DNAJC24: variants seen among roughly 807,000 people sequenced by gnomAD.
DNAJC24 encodes the protein dnaJ homolog subfamily C member 24.
DNAJC24 carries 17 observed loss-of-function variants against 18.0 expected under a neutral mutation model. That is an observed-to-expected ratio of 0.94 (90% CI 0.65 to 1.42). The LOEUF (loss-of-function observed/expected upper bound fraction) is 1.42. Among genes scored for constraint, DNAJC24 ranks in the 40% most tolerant of loss-of-function variants. DNAJC24 has a pLI of 0.00. For missense variants in DNAJC24, 158 were observed against 175.6 expected (o/e 0.90, Z 0.57); for synonymous variants, 55 against 57.7 (o/e 0.95, Z 0.21).
At chr11:31,402,243 A>G (rs1952607249) in intron 2 of DNAJC24, among the ~76,000 whole-genome samples, 1 of 151,614 alleles carries the variant, frequency 6.6e-6, no homozygotes, top group Non-Finnish European at 1.5e-5. Context: ...AATATATCTA[A>G]CCATAGAAAA....
chr11:31,392,709 C>CT (rs1194936438), intron 2 of DNAJC24, among the ~76,000 whole-genome samples: 1,745 of 129,302 alleles, frequency 0.013, 17 homozygotes, highest in South Asian at 0.015. Context: ...TCACAATTTT[C>CT]TTTTTTTTTT....
intron 2 of DNAJC24, chr11:31,408,120 T>A (rs1397350412): frequency 2.2e-6 from 1 of 456,060 alleles, no homozygotes; most frequent in African/African-American, 2.0e-5. Context: ...GTTATTGGAT[T>A]TTTTCCCCCT....
intron 2 of DNAJC24, among the ~76,000 whole-genome samples, chr11:31,412,312 T>C (rs1952717244): frequency 6.6e-6 from 1 of 152,214 alleles, no homozygotes; most frequent in African/African-American, 2.4e-5. Context: ...TTTTGATCTT[T>C]ACTCCTACTT....
intron 2 of DNAJC24, among the ~76,000 whole-genome samples, chr11:31,402,547 C>T (rs1216516100): frequency 6.6e-6 from 1 of 152,186 alleles, no homozygotes; most frequent in Non-Finnish European, 1.5e-5. Flanking sequence ...CTTGCTCTGT[C>T]ACCCATGTTA....
chr11:31,386,818 G>C (rs138199339), intron 2 of DNAJC24, among the ~76,000 whole-genome samples: 28 of 152,218 alleles, frequency 1.8e-4, no homozygotes, highest in South Asian at 4.1e-4. Flanking sequence ...CCAGACTGTG[G>C]CTCCTGAACA....
chr11:31,403,931 G>A (rs11031373), intron 2 of DNAJC24, among the ~76,000 whole-genome samples: 40,554 of 152,142 alleles, frequency 0.27, 5,525 homozygotes, highest in East Asian at 0.3. Context: ...GAGCAGCCCC[G>A]AGGGCTGTTG....
At position 31,432,441 on chromosome 11, in the gene DNAJC24, G is replaced by A. The variant is rs554318172; in HGVS notation, c.*2040G>A. The A allele has an allele frequency of 5.9e-5, 68 of 1,155,344 alleles. No homozygotes were observed. Among genetic ancestry groups the A allele is most frequent in the Admixed American group, 2.2e-4 (13 of 58,844 alleles). The allele number at this position is 1,155,344 out of a possible 1,614,324, so 71.6% of individuals were successfully genotyped here. A position where few individuals can be genotyped will look rare whatever the true frequency, so the allele number is the denominator to read the frequency against. On this transcript the variant is annotated 3_prime_UTR_variant, in exon 5 of 5. Coordinates refer to ENST00000465995, the MANE Select transcript of DNAJC24 (RefSeq NM_181706.5). ...TTATTGGTAAGTACACGGTTTCAAC[G>A]GGAGTAATAAATTCACATGAAAAGG...
intron 2 of DNAJC24, among the ~76,000 whole-genome samples, chr11:31,412,204 G>C (rs924537861): frequency 6.6e-6 from 1 of 151,998 alleles, no homozygotes; most frequent in African/African-American, 2.4e-5. Context: ...TGGTTTTATA[G>C]GGCTTTCTGG....
intron 2 of DNAJC24, chr11:31,384,654 A>G (rs1952410356): frequency 6.6e-6 from 1 of 152,248 alleles, no homozygotes. Flanking sequence ...ATAGAGCCAC[A>G]CAGCATGTGA....
intron 3 of DNAJC24, among the ~76,000 whole-genome samples, chr11:31,421,819 G>GA (rs930725636): frequency 2.9e-4 from 44 of 151,934 alleles, no homozygotes; most frequent in Admixed American, 2.6e-3. Flanking sequence ...AAATGGAGCT[G>GA]AAAAAAAACC....
intron 3 of DNAJC24, among the ~76,000 whole-genome samples, chr11:31,424,462 T>C (rs1952840596): frequency 6.6e-6 from 1 of 152,146 alleles, no homozygotes; most frequent in African/African-American, 2.4e-5. Context: ...AAGATTTTTG[T>C]CCCCACTCAT....
Position 31,378,833 on chromosome 11 carries a change from T to G in DNAJC24, c.111+7974T>G, listed in dbSNP as rs776223907. The stretch of plus-strand genomic sequence containing the variant: ...AAGTGTGAAAGGTGGCAGTGTGGTG[T>G]TGTGGAAACCTGAGTTCTTATCATG... On this transcript the variant is annotated intron_variant, in intron 2 of 4. Coordinates refer to ENST00000465995, the MANE Select transcript of DNAJC24 (RefSeq NM_181706.5). Among the ~76,000 whole-genome samples the G allele has an allele frequency of 2.4e-4, 37 of 152,202 alleles. 1 individual carries two copies. The highest frequency in any genetic ancestry group is 8.8e-5 in the Non-Finnish European group (6 of 68,030).
At chr11:31,409,083 A>AGT (rs1320675745) in intron 2 of DNAJC24, among the ~76,000 whole-genome samples, 1 of 152,208 alleles carries the variant, frequency 6.6e-6, no homozygotes, top group Non-Finnish European at 1.5e-5. Flanking sequence ...TCCATAAACT[A>AGT]GTGTGTAATT....
At chr11:31,371,379 C>T (rs982986465) in intron 2 of DNAJC24, among the ~76,000 whole-genome samples, 1 of 152,000 alleles carries the variant, frequency 6.6e-6, no homozygotes, top group Non-Finnish European at 1.5e-5. Flanking sequence ...TTTATTTTTC[C>T]TCTACTGTGT....
intron 2 of DNAJC24, among the ~76,000 whole-genome samples, chr11:31,392,051 A>T (rs970353464): frequency 1.3e-5 from 2 of 152,196 alleles, no homozygotes; most frequent in Non-Finnish European, 2.9e-5. Flanking sequence ...AATTAAAACA[A>T]TTGAGCTCAT....
At chr11:31,373,213 T>C (rs1952283095) in intron 2 of DNAJC24, among the ~76,000 whole-genome samples, 1 of 135,230 alleles carries the variant, frequency 7.4e-6, no homozygotes, top group East Asian at 1.9e-4. Flanking sequence ...ATGTGTGTTT[T>C]TATAGTTAAT....
At chr11:31,429,773 G>A (rs552872958) in intron 4 of DNAJC24, 2 of 163,908 alleles carry the variant, frequency 1.2e-5, no homozygotes, top group African/African-American at 4.8e-5. Flanking sequence ...TTGAAATAGT[G>A]TGACACTAGA....
At chr11:31,406,534 G>A (rs1363784139) in intron 2 of DNAJC24, among the ~76,000 whole-genome samples, 1 of 152,204 alleles carries the variant, frequency 6.6e-6, no homozygotes, top group African/African-American at 2.4e-5. Flanking sequence ...ACTTGTAATA[G>A]ATAAAGCTTG....
chr11:31,398,388 A>C (rs1329080048), intron 2 of DNAJC24, among the ~76,000 whole-genome samples: 1 of 152,214 alleles, frequency 6.6e-6, no homozygotes, highest in African/African-American at 2.4e-5. Context: ...AGAATGTTAC[A>C]TACCTGTATA....
Sources: gnomAD v4.1 joint callset for allele counts (sites outside exome capture counted in the v4.1 genomes callset) on GRCh38, gnomAD v4.1.1 for gene constraint, MANE v1.5 for transcripts, NCBI Gene and HGNC (gene_info 2026-07-23, HGNC 2026-07-21) for gene names.